SLC8A1: variants seen among roughly 807,000 people sequenced by gnomAD.
SLC8A1 encodes the protein sodium/calcium exchanger 1.
Under a neutral mutation model 68.3 loss-of-function variants are expected in SLC8A1, and 18 were observed. That is an observed-to-expected ratio of 0.26 (90% CI 0.18 to 0.39). The LOEUF is 0.39. Among genes scored for constraint, SLC8A1 ranks in the 10% least tolerant of loss-of-function variants. SLC8A1 has a pLI of 1.00. For missense variants in SLC8A1, 985 were observed against 1,156.7 expected (o/e 0.85, Z 2.15); for synonymous variants, 475 against 415.5 (o/e 1.14, Z -1.74).
chr2:40,279,791 G>C (rs1001739354), intron 2 of SLC8A1, among the ~76,000 whole-genome samples: 1 of 151,990 alleles, frequency 6.6e-6, no homozygotes, highest in African/African-American at 2.4e-5. Flanking sequence ...TTTGAGGGGA[G>C]GTGAGCTCTC....
chr2:40,421,314 C>A (rs1695445067), intron 2 of SLC8A1, among the ~76,000 whole-genome samples: 1 of 151,926 alleles, frequency 6.6e-6, no homozygotes, highest in African/African-American at 2.4e-5. Context: ...CAGTAACTGG[C>A]TGAAAGGCAC....
chr2:40,330,421 C>A (rs915389577), intron 2 of SLC8A1, among the ~76,000 whole-genome samples: 4 of 152,056 alleles, frequency 2.6e-5, no homozygotes, highest in African/African-American at 9.7e-5. Flanking sequence ...AGAACAAAAC[C>A]AACCAGTGAA....
intron 2 of SLC8A1, among the ~76,000 whole-genome samples, chr2:40,204,855 G>A (rs568720469): frequency 4.6e-5 from 7 of 151,626 alleles, no homozygotes; most frequent in South Asian, 4.2e-4. Context: ...TATGGTTACT[G>A]CACTTCTTAA....
At chr2:40,343,451 A>G (rs976503558) in intron 2 of SLC8A1, among the ~76,000 whole-genome samples, 25 of 152,342 alleles carry the variant, frequency 1.6e-4, no homozygotes, top group African/African-American at 5.5e-4. Context: ...CTTGGCTAAC[A>G]TCACAAATTA....
chr2:40,147,616 T>C (rs2042699270), intron 6 of SLC8A1, among the ~76,000 whole-genome samples: 1 of 152,190 alleles, frequency 6.6e-6, no homozygotes, highest in Non-Finnish European at 1.5e-5. Flanking sequence ...TGTGTCTAAA[T>C]TAGCCTCCTG....
chr2:40,321,259 T>C (rs1355915440), intron 2 of SLC8A1, among the ~76,000 whole-genome samples: 1 of 152,174 alleles, frequency 6.6e-6, no homozygotes, highest in Non-Finnish European at 1.5e-5. Context: ...TGTTAAGGAA[T>C]GTAATTGTTT....
intron 2 of SLC8A1, among the ~76,000 whole-genome samples, chr2:40,282,310 G>C (rs1186658444): frequency 6.6e-6 from 1 of 152,074 alleles, no homozygotes; most frequent in Non-Finnish European, 1.5e-5. Context: ...GCTCACCCCA[G>C]ACACAAAACA....
chr2:40,287,581 G>GGTGTGTGTGTGT, intron 2 of SLC8A1, among the ~76,000 whole-genome samples: 1 of 74,752 alleles, frequency 1.3e-5, no homozygotes, highest in African/African-American at 6.8e-5. Flanking sequence ...GCAGAGGAAT[G>GGTGTGTGTGTGT]ATGTGTGTGT....
chr2:40,277,855 T>C (rs1290419409), intron 2 of SLC8A1, among the ~76,000 whole-genome samples: 1 of 146,426 alleles, frequency 6.8e-6, no homozygotes, highest in Non-Finnish European at 1.5e-5. Context: ...TTGCTTACTA[T>C]GTGCAGGGCA....
chr2:40,174,791 A>C, intron 4 of SLC8A1, 34 bp downstream of exon 5: 2 of 1,604,884 alleles, frequency 1.2e-6, no homozygotes, highest in Non-Finnish European at 8.5e-7. Context: ...CAGACAGTAA[A>C]AGTTAGATAG....
In SLC8A1 at chr2:40,228,713, G is replaced by A. The variant is rs185980123; in HGVS notation, c.1809-50858C>T. ...ATATCTGCTGCCATCTATGTTGAAC[G>A]CAGAAATGGTAGGCGAGCCTCAAAG... On this transcript the variant is annotated intron_variant, in intron 2 of 7. Transcript: ENST00000406785. Among the ~76,000 whole-genome samples, 144 of 152,230 alleles carry A rather than the reference G, an allele frequency of 9.5e-4. 2 individuals are homozygous for A. The highest frequency in any genetic ancestry group is 3.3e-3 in the African/African-American group (137 of 41,562).
intron 2 of SLC8A1, among the ~76,000 whole-genome samples, chr2:40,195,154 G>A (rs2052715468): frequency 6.6e-6 from 1 of 152,006 alleles, no homozygotes; most frequent in Non-Finnish European, 1.5e-5. Flanking sequence ...ACACAGGGAA[G>A]CAAAAACCAG....
intron 2 of SLC8A1, among the ~76,000 whole-genome samples, chr2:40,311,918 T>C (rs2073758038): frequency 1.3e-5 from 2 of 152,132 alleles, no homozygotes; most frequent in Non-Finnish European, 2.9e-5. Flanking sequence ...ACATCAAATA[T>C]AAACCAGTAC....
intron 2 of SLC8A1, among the ~76,000 whole-genome samples, chr2:40,353,083 C>A (rs1671618708): frequency 6.6e-6 from 1 of 152,276 alleles, no homozygotes; most frequent in South Asian, 2.1e-4. Flanking sequence ...CTGACTTACT[C>A]CTTGTGCACC....
intron 2 of SLC8A1, among the ~76,000 whole-genome samples, chr2:40,186,047 T>C (rs544742199): frequency 6.6e-6 from 1 of 152,330 alleles, no homozygotes; most frequent in South Asian, 2.1e-4. Context: ...AGTTGTACTT[T>C]GACACACTAA....
chr2:40,110,311 C>CT (rs2034481901), exon 8 of SLC8A1: 1 of 149,654 alleles, frequency 6.7e-6, no homozygotes, highest in Non-Finnish European at 1.5e-5. Flanking sequence ...GTAATACCAT[C>CT]GGGACCGCCC....
chr2:40,359,789 G>A (rs1452474163), intron 2 of SLC8A1, among the ~76,000 whole-genome samples: 1 of 151,962 alleles, frequency 6.6e-6, no homozygotes, highest in African/African-American at 2.4e-5. Context: ...TTGCAGTAGG[G>A]GTACAAAGTA....
exon 6 of SLC8A1, chr2:40,160,815 C>G: frequency 1.9e-6 from 3 of 1,613,210 alleles, no homozygotes; most frequent in Non-Finnish European, 2.5e-6. Flanking sequence ...GCTGTTAGTC[C>G]CAACCACAAG....
At chr2:40,225,407 C>A (rs1209672701) in intron 2 of SLC8A1, among the ~76,000 whole-genome samples, 1 of 152,138 alleles carries the variant, frequency 6.6e-6, no homozygotes. Flanking sequence ...TGTGCTAGTT[C>A]TTGTTACCAT....
Sources: allele counts gnomAD v4.1 joint callset (sites outside exome capture counted in the v4.1 genomes callset), GRCh38; gene constraint gnomAD v4.1.1; transcripts MANE v1.5; gene names NCBI Gene and HGNC (gene_info 2026-07-23, HGNC 2026-07-21).